Variants in FHIT observed in about 807,000 individuals in gnomAD.
FHIT encodes the protein fragile histidine triad diadenosine triphosphatase.
A neutral mutation model predicts 17.9 loss-of-function variants in FHIT; 19 were observed. The ratio of observed to expected loss-of-function variants is 1.06; its 90% CI spans 0.74 to 1.56. The LOEUF is 1.56. Ranked by LOEUF, FHIT falls within the 40% of genes most tolerant of loss-of-function variation. FHIT has a pLI of 0.00. For missense variants in FHIT, 248 were observed against 189.2 expected, an observed-to-expected ratio of 1.31 and a Z score of -1.82; for synonymous variants, 81 against 69.7, an observed-to-expected ratio of 1.16 and a Z score of -0.81.
chr3:60,101,989 C>T (rs1004499194), intron 5 of FHIT, among the ~76,000 whole-genome samples: 2 of 152,212 alleles, frequency 1.3e-5, no homozygotes, highest in African/African-American at 2.4e-5. Context: ...ATTGTTACTT[C>T]CTCTAGGATT....
intron 5 of FHIT, among the ~76,000 whole-genome samples, chr3:60,467,763 T>C (rs1008439612): frequency 6.6e-6 from 1 of 152,082 alleles, no homozygotes; most frequent in Non-Finnish European, 1.5e-5. Flanking sequence ...GAATGATCCA[T>C]GAGCTGAAGA....
At chr3:59,773,979 T>C (rs572611289) in intron 8 of FHIT, among the ~76,000 whole-genome samples, 105 of 152,308 alleles carry the variant, frequency 6.9e-4, no homozygotes, top group African/African-American at 2.5e-3. Flanking sequence ...TGAAATAATA[T>C]TTATGATATT....
At chr3:60,444,229 C>CT (rs1352594523) in intron 5 of FHIT, among the ~76,000 whole-genome samples, 1 of 152,140 alleles carries the variant, frequency 6.6e-6, no homozygotes, top group African/African-American at 2.4e-5. Flanking sequence ...AATAGGAACA[C>CT]TTTTACATTG....
chr3:60,179,742 A>G (rs1431465872), intron 5 of FHIT, among the ~76,000 whole-genome samples: 1 of 152,186 alleles, frequency 6.6e-6, no homozygotes, highest in Non-Finnish European at 1.5e-5. Context: ...GAAAACAGGC[A>G]TCTGGCCCCA....
chr3:60,974,904 A>G (rs1710171080), intron 3 of FHIT, among the ~76,000 whole-genome samples: 1 of 152,184 alleles, frequency 6.6e-6, no homozygotes, highest in Admixed American at 6.5e-5. Context: ...TTTTTCACCT[A>G]TTCCTCACAG....
intron 8 of FHIT, among the ~76,000 whole-genome samples, chr3:59,854,363 T>A (rs865867187): frequency 5.3e-5 from 8 of 152,164 alleles, no homozygotes; most frequent in Admixed American, 1.3e-4. Context: ...AGCTCGGTAT[T>A]GTGCTTACGT....
chr3:61,173,764 G>T (rs1203512652), intron 2 of FHIT, among the ~76,000 whole-genome samples: 6 of 152,212 alleles, frequency 3.9e-5, no homozygotes, highest in Non-Finnish European at 5.9e-5. Context: ...CACCCAGCCA[G>T]ATTAAGGAGA....
intron 3 of FHIT, among the ~76,000 whole-genome samples, chr3:60,859,723 ATTTTTTTTTTTTTTTTTTTTTTTTTT>A (rs71092647): frequency 1.7e-4 from 9 of 51,888 alleles, no homozygotes; most frequent in South Asian, 9.0e-4. Context: ...TCTGAATACG[ATTTTTTTTTTTTTTTTTTTTTTTTTT>A]TTTTTTTTTT....
intron 5 of FHIT, among the ~76,000 whole-genome samples, chr3:60,446,902 A>T (rs866407009): frequency 2.9e-5 from 4 of 140,248 alleles, no homozygotes; most frequent in South Asian, 2.2e-4. Flanking sequence ...ATAATAATAA[A>T]AAGCCTTCAG....
chr3:59,866,315 G>A (rs675758), intron 8 of FHIT, among the ~76,000 whole-genome samples: 82,559 of 151,548 alleles, frequency 0.54, 23,805 homozygotes, highest in African/African-American at 0.74. Context: ...CAAGCTTAAC[G>A]TGTCCAAGAA....
intron 5 of FHIT, among the ~76,000 whole-genome samples, chr3:60,048,130 G>C (rs1350182817): frequency 1.3e-5 from 2 of 152,038 alleles, no homozygotes; most frequent in Non-Finnish European, 2.9e-5. Context: ...ACATCAGCCA[G>C]ACCAGATTGG....
At position 59,748,493 on chromosome 3, in the gene FHIT, A is replaced by G. The variant is rs1010010582; in HGVS notation, c.*1092T>C. 6.6e-6 allele frequency among the ~76,000 whole-genome samples: 1 copy of G among 152,130 alleles called. No homozygotes were observed. Among genetic ancestry groups the G allele is most frequent in the Non-Finnish European group, 1.5e-5 (1 of 68,014 alleles). ...ATTTTGGTTTCTGCTACCTGGCTGT[A>G]GTGTGACCAGGGAGGCAGGTGCTGG... On this transcript the variant is annotated 3_prime_UTR_variant, in exon 10 of 10. Transcript: ENST00000492590.
At chr3:60,015,090 C>A (rs774587983) in intron 5 of FHIT, among the ~76,000 whole-genome samples, 1 of 151,988 alleles carries the variant, frequency 6.6e-6, no homozygotes, top group Non-Finnish European at 1.5e-5. Context: ...AACTCTTGTA[C>A]GTTTTTCTGT....
At chr3:61,057,648 A>G (rs2034273657) in intron 2 of FHIT, among the ~76,000 whole-genome samples, 1 of 152,242 alleles carries the variant, frequency 6.6e-6, no homozygotes, top group African/African-American at 2.4e-5. Context: ...CAGAACACCC[A>G]GGCCATTGGA....
intron 4 of FHIT, among the ~76,000 whole-genome samples, chr3:60,763,776 G>C (rs893470349): frequency 6.6e-6 from 1 of 152,160 alleles, no homozygotes; most frequent in Non-Finnish European, 1.5e-5. Flanking sequence ...AAGGCTGCTA[G>C]CTCTCTTGTC....
intron 3 of FHIT, among the ~76,000 whole-genome samples, chr3:60,863,502 G>A (rs1458319301): frequency 6.6e-6 from 1 of 152,130 alleles, no homozygotes. Flanking sequence ...AAAAGAAAGG[G>A]TTTAAGAAAA....
chr3:60,027,938 A>G (rs1700822713), intron 5 of FHIT, among the ~76,000 whole-genome samples: 1 of 152,210 alleles, frequency 6.6e-6, no homozygotes, highest in Non-Finnish European at 1.5e-5. Context: ...GTAATCAACC[A>G]TATTTAATTG....
intron 5 of FHIT, among the ~76,000 whole-genome samples, chr3:60,072,483 T>G (rs548791862): frequency 2.1e-4 from 32 of 152,202 alleles, no homozygotes; most frequent in Non-Finnish European, 3.7e-4. Flanking sequence ...ACAATAAAAA[T>G]TAGAATATTT....
chr3:60,266,065 G>A (rs1706562386), intron 5 of FHIT, among the ~76,000 whole-genome samples: 1 of 151,868 alleles, frequency 6.6e-6, no homozygotes, highest in African/African-American at 2.4e-5. Context: ...ACACCCAAGA[G>A]AAATGAAAAC....
Sources: gnomAD v4.1 joint callset for allele counts (sites outside exome capture counted in the v4.1 genomes callset) on GRCh38, gnomAD v4.1.1 for gene constraint, MANE v1.5 for transcripts, NCBI Gene and HGNC (gene_info 2026-07-23, HGNC 2026-07-21) for gene names.